FOXP2: variants seen among roughly 807,000 people sequenced by gnomAD.
The protein encoded by FOXP2 is forkhead box P2.
In FOXP2, 12 loss-of-function variants were observed where a neutral mutation model predicts 115.8. The ratio of observed to expected loss-of-function variants is 0.10; its 90% CI spans 0.07 to 0.17. The LOEUF is 0.17. FOXP2 is among the 10% of genes least tolerant of loss of function. The probability of loss-of-function intolerance (pLI) is 1.00; values close to 1 mark genes in which losing one functional copy is unlikely to be tolerated. For missense variants in FOXP2, 629 were observed against 843.5 expected (o/e 0.75, Z 3.15); for synonymous variants, 328 against 297.7 (o/e 1.10, Z -1.05).
chr7:114,654,006 A>G lies in FOXP2; in HGVS notation c.1263A>G (p.Lys421=). ...CCTCAGAGCCCAAACCATCTCCCAA[A>G]CCTGTAAGTGCATATTGCTTTATAA... ...MRPSEPKPSP[K]PLNLVSSVTM... is the part of the protein sequence containing the mutation. Residue 421 remains lysine (K), a synonymous_variant, in exon 10 of 17, where the codon AAA becomes AAG. Coordinates refer to ENST00000350908, the MANE Select transcript of FOXP2 (RefSeq NM_014491.4). The G allele has an allele frequency of 6.2e-7, 1 of 1,613,316 alleles. No individual in the cohort carries two copies. Among genetic ancestry groups the G allele is most frequent in the Non-Finnish European group, 8.5e-7 (1 of 1,179,420 alleles).
At chr7:114,137,250 T>C (rs1295645579) in intron 1 of FOXP2, among the ~76,000 whole-genome samples, 1 of 152,130 alleles carries the variant, frequency 6.6e-6, no homozygotes, top group Admixed American at 6.5e-5. Context: ...GTTGAAGGAA[T>C]ATTTAACAAG....
At chr7:114,349,329 G>T (rs373508050) in intron 2 of FOXP2, among the ~76,000 whole-genome samples, 9 of 151,970 alleles carry the variant, frequency 5.9e-5, no homozygotes. Context: ...AACCATTACC[G>T]ATACTATGAG....
chr7:114,641,861 AG>A (rs1189910522), intron 6 of FOXP2, among the ~76,000 whole-genome samples: 1 of 151,726 alleles, frequency 6.6e-6, no homozygotes, highest in Non-Finnish European at 1.5e-5. Context: ...GCTAGAGTGC[AG>A]TGGTACAATC....
intron 16 of FOXP2, among the ~76,000 whole-genome samples, chr7:114,671,541 T>A (rs1807484511): frequency 6.6e-6 from 1 of 152,232 alleles, no homozygotes; most frequent in Admixed American, 6.5e-5. Context: ...GGTACTTTGT[T>A]AGAACATACA....
Position 114,305,149 on chromosome 7 carries a change from A to C in FOXP2, c.-11+17040A>C, listed in dbSNP as rs1796982870. On this transcript the variant is annotated intron_variant, in intron 2 of 17. Coordinates refer to the FOXP2 transcript ENST00000634411. ...TGTTTAATTACCAAAAGGTATGATC[A>C]TTATTCATCTCATCATTTGATATTT... Among the ~76,000 whole-genome samples the C allele has an allele frequency of 3.9e-5, 6 of 152,284 alleles. No homozygotes were observed. The South Asian group carries it at 1.2e-3, about 32-fold the overall frequency.
At chr7:114,390,100 T>C (rs1792555127) in intron 2 of FOXP2, among the ~76,000 whole-genome samples, 2 of 146,192 alleles carry the variant, frequency 1.4e-5, no homozygotes, top group African/African-American at 2.5e-5. Context: ...GTGGTGTAAA[T>C]ATTGTAAAAC....
chr7:114,544,592 C>T (rs949138788), intron 3 of FOXP2, among the ~76,000 whole-genome samples: 1 of 152,220 alleles, frequency 6.6e-6, no homozygotes, highest in Admixed American at 6.5e-5. Flanking sequence ...GCTAGTGCTA[C>T]TGCACGTTCT....
intron 2 of FOXP2, among the ~76,000 whole-genome samples, chr7:114,408,132 A>G (rs964823299): frequency 1.8e-4 from 28 of 152,252 alleles, no homozygotes; most frequent in African/African-American, 6.0e-4. Flanking sequence ...ATGAGCTTAT[A>G]TCCTCACATT....
intron 3 of FOXP2, among the ~76,000 whole-genome samples, chr7:114,542,402 G>A (rs186792676): frequency 3.9e-4 from 60 of 152,148 alleles, no homozygotes; most frequent in Admixed American, 2.8e-3. Context: ...AGAATAGTTT[G>A]TGCTATTTAA....
intron 2 of FOXP2, among the ~76,000 whole-genome samples, chr7:114,343,876 G>A (rs1047217144): frequency 3.3e-5 from 5 of 151,432 alleles, no homozygotes; most frequent in Middle Eastern, 3.4e-3. Context: ...CTATTTATCC[G>A]CAAATATTCT....
At chr7:114,567,780 G>C (rs1161462336) in intron 3 of FOXP2, among the ~76,000 whole-genome samples, 1 of 152,044 alleles carries the variant, frequency 6.6e-6, no homozygotes, top group Non-Finnish European at 1.5e-5. Context: ...TGGTTGATCA[G>C]AGTTTTATTG....
chr7:114,396,138 A>C (rs1025445404), intron 2 of FOXP2, among the ~76,000 whole-genome samples: 1 of 151,934 alleles, frequency 6.6e-6, no homozygotes, highest in African/African-American at 2.4e-5. Flanking sequence ...GTACCCATTA[A>C]CTATCTCATC....
intron 3 of FOXP2, among the ~76,000 whole-genome samples, chr7:114,618,003 G>A (rs1479661822): frequency 2.0e-5 from 3 of 152,144 alleles, no homozygotes; most frequent in Admixed American, 1.3e-4. Flanking sequence ...TAGGGAAGAC[G>A]TTTAACATTC....
At chr7:114,247,220 G>A (rs894909822) in intron 1 of FOXP2, among the ~76,000 whole-genome samples, 3 of 152,116 alleles carry the variant, frequency 2.0e-5, no homozygotes, top group Admixed American at 6.5e-5. Flanking sequence ...CTTATTATAC[G>A]TTCTTTATCT....
At chr7:114,124,615 A>G (rs1791652992) in intron 1 of FOXP2, among the ~76,000 whole-genome samples, 1 of 152,178 alleles carries the variant, frequency 6.6e-6, no homozygotes, top group Admixed American at 6.6e-5. Context: ...TTTTTGTCCA[A>G]GATCAAGTGT....
intron 1 of FOXP2, among the ~76,000 whole-genome samples, chr7:114,237,398 T>C (rs1432551453): frequency 6.6e-6 from 1 of 152,218 alleles, no homozygotes; most frequent in Non-Finnish European, 1.5e-5. Context: ...TCTTCAGGCA[T>C]AAAATGGGAA....
At chr7:114,162,802 A>G (rs1327809802), upstream of FOXP2, 1 of 152,100 alleles carries the variant, frequency 6.6e-6, no homozygotes, top group Non-Finnish European at 1.5e-5. Context: ...ATTTATTATA[A>G]TGTTTAACAA....
At chr7:114,580,601 A>G (rs1265376775) in intron 3 of FOXP2, among the ~76,000 whole-genome samples, 4 of 152,004 alleles carry the variant, frequency 2.6e-5, no homozygotes, top group African/African-American at 9.7e-5. Flanking sequence ...CAAAAACAAA[A>G]CAAAACAGAA....
At chr7:114,242,169 T>A (rs1406328802) in intron 1 of FOXP2, among the ~76,000 whole-genome samples, 1 of 151,530 alleles carries the variant, frequency 6.6e-6, no homozygotes, top group Admixed American at 6.6e-5. Context: ...TAAAAGGAGA[T>A]AATTTGAAAA....
Sources: allele counts gnomAD v4.1 joint callset (sites outside exome capture counted in the v4.1 genomes callset), GRCh38; gene constraint gnomAD v4.1.1; transcripts MANE v1.5; gene names NCBI Gene and HGNC (gene_info 2026-07-23, HGNC 2026-07-21).